Variants in INTU observed in about 807,000 individuals in gnomAD.
INTU encodes inturned planar cell polarity protein.
In INTU, 68 loss-of-function variants were observed where a neutral mutation model predicts 100.5. The observed-to-expected ratio is 0.68, with a 90% confidence interval of 0.56 to 0.83. The LOEUF (loss-of-function observed/expected upper bound fraction) is 0.83. INTU is among the 40% of genes least tolerant of loss of function. The probability of loss-of-function intolerance (pLI) is 0.00; values close to 1 mark genes in which losing one functional copy is unlikely to be tolerated. For synonymous variants in INTU, 357 were observed against 395.7 expected (o/e 0.90, Z 1.16); for missense variants, 1,071 against 1,114.7 (o/e 0.96, Z 0.56).
At position 127,633,165 on chromosome 4, in the gene INTU, C is replaced by T. The variant is rs758891206; in HGVS notation, c.131C>T (p.Ala44Val). ...RVSDSGSYSS[A>V]SSDYDDLEPE... ...AGCGACTCGGGTTCATATTCCTCAG[C>T]GAGTAGCGATTATGAGTAAGGTTTT... is the stretch of plus-strand genomic sequence containing the variant. Residue 44 changes from alanine to valine, a missense_variant, in exon 1 of 16, where the codon GCG becomes GTG. By Grantham distance (64) the Ala-to-Val change is moderately conservative (BLOSUM62 0). Coordinates refer to ENST00000335251, the MANE Select transcript of INTU (RefSeq NM_015693.4). The T allele has an allele frequency of 1.9e-6, 3 of 1,613,404 alleles. No homozygotes were observed. Among genetic ancestry groups the T allele is most frequent in the Non-Finnish European group, 2.5e-6 (3 of 1,179,480 alleles).
At position 127,716,428 on chromosome 4, in the gene INTU, A is replaced by G; in HGVS notation, c.2821A>G (p.Thr941Ala). 1 of 1,541,750 alleles carries G rather than the reference A, an allele frequency of 6.5e-7. No homozygotes were observed. The highest frequency in any genetic ancestry group is 1.9e-5 in the Admixed American group (1 of 53,306). Residue 941 changes from threonine (T) to alanine (A), a missense_variant, in exon 16 of 16, where the codon ACC becomes GCC. By Grantham distance (58) the Thr-to-Ala change is moderately conservative (BLOSUM62 0). Transcript: ENST00000335251. ...AGCTTTTAAATTGTTCTTTGGGTTA[A>G]CCTTGTAGCTGTGCTTTCTTGATGC... ...EIAFKLFFGL[T>A]L
rs745635795 is a variant in INTU, at chr4:127,704,307, A to G, written c.1566+17A>G. On this transcript the variant is annotated intron_variant, in intron 10 of 15. Coordinates refer to ENST00000335251, the MANE Select transcript of INTU (RefSeq NM_015693.4). ...TTTTACAAGGTAAGTTGAAGCTTGA[A>G]GTCTAAATGTCCAGCTGCTGTATAA... 7.0e-6 allele frequency: 11 copies of G among 1,579,128 alleles called. No homozygotes were observed. Among genetic ancestry groups the G allele is most frequent in the Non-Finnish European group, 9.6e-6 (11 of 1,151,592 alleles).
rs1353790932 is a variant in INTU, at chr4:127,720,650, T to G, written c.*4214T>G. ...GGTCTCTAAGAACTTGTTTTATGAA[T>G]CTGAGTGCTCCTATATTAGGTGCAT... On this transcript the variant is annotated 3_prime_UTR_variant, in exon 16 of 16. Transcript: ENST00000335251. 6.6e-6 allele frequency: 1 copy of G among 152,226 alleles called. No individual in the cohort carries two copies. Among genetic ancestry groups the G allele is most frequent in the Non-Finnish European group, 1.5e-5 (1 of 68,038 alleles). The allele number at this position is 152,226 out of a possible 1,614,324, so 9.4% of individuals were successfully genotyped here. A position where few individuals can be genotyped will look rare whatever the true frequency, so the allele number is the denominator to read the frequency against.
chr4:127,702,504 A>G (rs970226493), intron 9 of INTU, among the ~76,000 whole-genome samples: 7 of 152,280 alleles, frequency 4.6e-5, no homozygotes, highest in Non-Finnish European at 7.4e-5. Context: ...GGAATGGACT[A>G]CTACTCAGAA....
intron 2 of INTU, among the ~76,000 whole-genome samples, chr4:127,647,634 G>A (rs1300931341): frequency 6.6e-6 from 1 of 152,040 alleles, no homozygotes; most frequent in African/African-American, 2.4e-5. Context: ...ATCTTTGGGG[G>A]GCAATTATGC....
At chr4:127,707,698 A>T (rs1332028615) in intron 12 of INTU, among the ~76,000 whole-genome samples, 1 of 152,084 alleles carries the variant, frequency 6.6e-6, no homozygotes, top group African/African-American at 2.4e-5. Flanking sequence ...TATAGATTTT[A>T]AAATCTGAAC....
chr4:127,710,882 T>G, intron 13 of INTU, 31 bp from the exon 14 acceptor site: 1 of 1,381,810 alleles, frequency 7.2e-7, no homozygotes, highest in Non-Finnish European at 9.6e-7. Flanking sequence ...AAATTTCTTT[T>G]TTCTTCTCTT....
rs1452838551 is a variant in INTU, at chr4:127,721,296, GC to G, written c.*4865del. On this transcript the variant is annotated 3_prime_UTR_variant, in exon 16 of 16. Coordinates refer to ENST00000335251, the MANE Select transcript of INTU (RefSeq NM_015693.4). Reference sequence around the variant, plus strand: ...TTTCCTTTAAGAATGTTGAAAATTGGCCCCCAACCTCTTCCAGCTTATAAGG... The same window carrying G: ...TTTCCTTTAAGAATGTTGAAAATTGGCCCCAACCTCTTCCAGCTTATAAGG... 2 of 152,068 alleles carry G rather than the reference GC, an allele frequency of 1.3e-5. No homozygotes were observed. Among genetic ancestry groups the G allele is most frequent in the Non-Finnish European group, 2.9e-5 (2 of 68,016 alleles). The allele number at this position is 152,068 out of a possible 1,614,324, so 9.4% of individuals were successfully genotyped here.
chr4:127,659,283 G>T (rs1437214581), intron 3 of INTU, among the ~76,000 whole-genome samples: 1 of 152,060 alleles, frequency 6.6e-6, no homozygotes, highest in Non-Finnish European at 1.5e-5. Flanking sequence ...TAAAATACCT[G>T]CAAATAATTT....
At chr4:127,705,871 T>G in intron 11 of INTU, 59 bp downstream of exon 11, 1 of 1,421,472 alleles carries the variant, frequency 7.0e-7, no homozygotes, top group Non-Finnish European at 9.8e-7. Context: ...TTTTTTTCTT[T>G]TCGGCAGGGG....
At chr4:127,710,127 G>C (rs537006183) in intron 13 of INTU, among the ~76,000 whole-genome samples, 5 of 152,196 alleles carry the variant, frequency 3.3e-5, no homozygotes, top group African/African-American at 1.2e-4. Flanking sequence ...AGTAAAAGGA[G>C]ACTCTTTTTT....
At chr4:127,659,645 A>G (rs1315540160) in intron 3 of INTU, among the ~76,000 whole-genome samples, 1 of 152,198 alleles carries the variant, frequency 6.6e-6, no homozygotes, top group Non-Finnish European at 1.5e-5. Flanking sequence ...CTTGTAGTAC[A>G]TCGTCTCTTC....
intron 2 of INTU, among the ~76,000 whole-genome samples, chr4:127,651,411 G>C (rs1174791427): frequency 6.6e-6 from 1 of 152,152 alleles, no homozygotes; most frequent in Admixed American, 6.5e-5. Context: ...TGTAAGGAAG[G>C]GATCCAGTTT....
intron 2 of INTU, among the ~76,000 whole-genome samples, chr4:127,656,432 G>A (rs1486040571): frequency 6.6e-6 from 1 of 152,154 alleles, no homozygotes; most frequent in Non-Finnish European, 1.5e-5. Context: ...ATAATGGGCA[G>A]TATTATAGAT....
At position 127,716,536 on chromosome 4, in the gene INTU, A is replaced by G. The variant is rs1217145948; in HGVS notation, c.*100A>G. On this transcript the variant is annotated 3_prime_UTR_variant, in exon 16 of 16. Transcript: ENST00000335251. ...AAGAGATAAAGTTTAGCTTCTTTTT[A>G]CTATTCAATATTGAACATAATATTG... 6.3e-6 allele frequency: 3 copies of G among 477,290 alleles called. No individual in the cohort carries two copies. The highest frequency in any genetic ancestry group is 3.2e-5 in the East Asian group (1 of 31,590). 29.6% of individuals were successfully genotyped at this position (477,290 alleles called of 1,614,324 possible).
intron 3 of INTU, among the ~76,000 whole-genome samples, chr4:127,662,489 A>G (rs1326989513): frequency 1.3e-5 from 2 of 152,132 alleles, no homozygotes; most frequent in African/African-American, 4.8e-5. Context: ...GTGGCTATCC[A>G]ATTTTGGTAC....
chr4:127,653,535 A>C (rs1451566334), intron 2 of INTU, among the ~76,000 whole-genome samples: 1 of 152,158 alleles, frequency 6.6e-6, no homozygotes, highest in Admixed American at 6.5e-5. Flanking sequence ...AGCAGTTTTG[A>C]GTGAGATTCT....
Position 127,706,610 on chromosome 4 carries a change from G to A in INTU, c.1912G>A (p.Val638Ile), listed in dbSNP as rs1730889651. Residue 638 changes from valine to isoleucine, a missense_variant, in exon 12 of 16, where the codon GTA becomes ATA. Transcript: ENST00000335251. Reference sequence around the variant, plus strand: ...AACAACTCTTCACCAGCTGGATGGAGTAGATTCTCGCATAGATGAACGGCT... The same window carrying A: ...AACAACTCTTCACCAGCTGGATGGAATAGATTCTCGCATAGATGAACGGCT... Reference protein sequence around the residue: ...VKTTLHQLDGVDSRIDERLAS... With the variant: ...VKTTLHQLDGIDSRIDERLAS... 1 of 1,614,102 alleles carries A rather than the reference G, an allele frequency of 6.2e-7. No homozygotes were observed.
intron 2 of INTU, among the ~76,000 whole-genome samples, chr4:127,655,503 CTGCTGGGGGG>C (rs1239734604): frequency 3.3e-5 from 5 of 151,258 alleles, no homozygotes; most frequent in Admixed American, 6.6e-5. Flanking sequence ...CAGTGTTCCC[CTGCTGGGGGG>C]TGCCTCCCAG....
Sources: allele counts gnomAD v4.1 joint callset (sites outside exome capture counted in the v4.1 genomes callset), GRCh38; gene constraint gnomAD v4.1.1; transcripts MANE v1.5; gene names NCBI Gene and HGNC (gene_info 2026-07-23, HGNC 2026-07-21).